Variants in CCNYL1 observed in about 807,000 individuals in gnomAD.
CCNYL1 encodes the protein cyclin-Y-like protein 1.
CCNYL1 carries 16 observed loss-of-function variants against 44.2 expected under a neutral mutation model. The ratio of observed to expected loss-of-function variants is 0.36; its 90% CI spans 0.25 to 0.55. The LOEUF (loss-of-function observed/expected upper bound fraction) is 0.55, where lower values mean the gene tolerates loss of function less well. Among genes scored for constraint, CCNYL1 ranks in the 20% least tolerant of loss-of-function variants. The pLI is 0.85. For synonymous variants in CCNYL1, 159 were observed against 163.2 expected (o/e 0.97, Z 0.20); for missense variants, 348 against 451.8 (o/e 0.77, Z 2.08).
chr2:207,753,894 T>A lies in CCNYL1; in HGVS notation c.*196T>A. 2.1e-6 allele frequency: 1 copy of A among 484,218 alleles called. No homozygotes were observed. The highest frequency in any genetic ancestry group is 3.5e-5 in the South Asian group (1 of 28,352). 30.0% of individuals were successfully genotyped at this position (484,218 alleles called of 1,614,324 possible). A position where few individuals can be genotyped will look rare whatever the true frequency, so the allele number is the denominator to read the frequency against. Reference sequence around the variant, plus strand: ...ACCTTGTCAATGCAACAAAACACTCTTCTGTCCTTTTTAATGTAAACAGAG... The same window carrying A: ...ACCTTGTCAATGCAACAAAACACTCATCTGTCCTTTTTAATGTAAACAGAG... On this transcript the variant is annotated 3_prime_UTR_variant, in exon 10 of 10. Coordinates refer to ENST00000295414, the MANE Select transcript of CCNYL1 (RefSeq NM_001330218.2).
chr2:207,713,070 T>A lies in CCNYL1; in HGVS notation c.220+954T>A, dbSNP rs550982093. On this transcript the variant is annotated intron_variant, in intron 1 of 9. Coordinates refer to ENST00000295414, the MANE Select transcript of CCNYL1 (RefSeq NM_001330218.2). Reference sequence around the variant, plus strand: ...AGTTCTTGATCCGCCCGCCTCGGCCTCCCAAAGTGCTGGGATTACAGGCGT... The same window carrying A: ...AGTTCTTGATCCGCCCGCCTCGGCCACCCAAAGTGCTGGGATTACAGGCGT... Among the ~76,000 whole-genome samples, 36 of 152,332 alleles carry A rather than the reference T, an allele frequency of 2.4e-4. No homozygotes were observed. In the South Asian group the frequency reaches 7.3e-3, roughly 31 times the overall value.
chr2:207,737,315 T>C (rs1463246482), intron 4 of CCNYL1, 96 bp from the exon 5 acceptor site: 8 of 885,440 alleles, frequency 9.0e-6, no homozygotes, highest in African/African-American at 1.7e-5. Flanking sequence ...TCAGGGCCGC[T>C]AGGAGGGTTC....
At chr2:207,737,478 C>G in intron 5 of CCNYL1, 32 bp downstream of exon 5, 3 of 1,566,876 alleles carry the variant, frequency 1.9e-6, no homozygotes, top group Non-Finnish European at 2.6e-6. Context: ...CTTGTTATTC[C>G]AGCTAATTAC....
rs749981412 is a variant in CCNYL1, at chr2:207,753,629, C to T, written c.1011C>T (p.Ala337=). Residue 337 remains alanine, a synonymous_variant, in exon 10 of 10, where the codon GCC becomes GCT. Coordinates refer to ENST00000295414, the MANE Select transcript of CCNYL1 (RefSeq NM_001330218.2). ...RLCEDKDLCR[A]AMRRSFSADN... ...GTGAAGACAAAGACTTGTGTAGAGC[C>T]GCTATGAGAAGGTCTTTCAGTGCTG... 1.3e-5 allele frequency: 21 copies of T among 1,611,212 alleles called. No individual in the cohort carries two copies. Among genetic ancestry groups the T allele is most frequent in the Admixed American group, 1.0e-4 (6 of 59,770 alleles).
rs11361488 is a variant in CCNYL1, at chr2:207,741,252, C to CA, written c.519+558dup. On this transcript the variant is annotated intron_variant, in intron 6 of 9. Coordinates refer to ENST00000295414, the MANE Select transcript of CCNYL1 (RefSeq NM_001330218.2). The stretch of plus-strand genomic sequence containing the variant: ...CCTGGGCGACAGTGAGACTCCATCT[C>CA]AAAAAAAAAAAATTTTTCAAAGTGT... Among the ~76,000 whole-genome samples, 78 of 142,172 alleles carry CA rather than the reference C, an allele frequency of 5.5e-4. 1 individual carries two copies. Among genetic ancestry groups the CA allele is most frequent in the African/African-American group, 1.3e-3 (51 of 39,430 alleles). 93.3% of individuals were successfully genotyped at this position (142,172 alleles called of 152,430 possible).
intron 1 of CCNYL1, among the ~76,000 whole-genome samples, chr2:207,721,019 C>T (rs2091636528): frequency 6.6e-6 from 1 of 152,068 alleles, no homozygotes; most frequent in South Asian, 2.1e-4. Flanking sequence ...GCTCAAGACC[C>T]ATCAGGTAAG....
intron 1 of CCNYL1, chr2:207,714,428 C>A (rs1260517921): frequency 5.0e-6 from 2 of 400,106 alleles, no homozygotes; most frequent in South Asian, 3.7e-5. Context: ...TCCTGAATAG[C>A]TGGGACCACG....
At chr2:207,739,647 C>CT (rs1340620031) in intron 5 of CCNYL1, among the ~76,000 whole-genome samples, 138 of 152,344 alleles carry the variant, frequency 9.1e-4, no homozygotes, top group African/African-American at 3.1e-3. Flanking sequence ...TAACACAACT[C>CT]TACCTCGGTA....
chr2:207,753,982 G>C lies in CCNYL1; in HGVS notation c.*284G>C. On this transcript the variant is annotated 3_prime_UTR_variant, in exon 10 of 10. Coordinates refer to ENST00000295414, the MANE Select transcript of CCNYL1 (RefSeq NM_001330218.2). Reference sequence around the variant, plus strand: ...CACACAGATATTTGCTTACTGTGTGGGCCGATAGCTGTGAACTATGTAAGG... The same window carrying C: ...CACACAGATATTTGCTTACTGTGTGCGCCGATAGCTGTGAACTATGTAAGG... The C allele has an allele frequency of 3.3e-6, 1 of 300,418 alleles. No homozygotes were observed. Among genetic ancestry groups the C allele is most frequent in the Non-Finnish European group, 6.1e-6 (1 of 163,256 alleles). The allele number at this position is 300,418 out of a possible 1,614,324, so 18.6% of individuals were successfully genotyped here. A position where few individuals can be genotyped will look rare whatever the true frequency, so the allele number is the denominator to read the frequency against.
rs548415323 is a variant in CCNYL1, at chr2:207,750,736, C to T, written c.807-221C>T. On this transcript the variant is annotated intron_variant, in intron 8 of 9. Coordinates refer to ENST00000295414, the MANE Select transcript of CCNYL1 (RefSeq NM_001330218.2). ...TCAGCAGCACAAGTGCATCGGAGGC[C>T]GTAACCTTCAACCTTCATCCCAGTT... 791 of 452,636 alleles carry T rather than the reference C, an allele frequency of 1.7e-3. 4 individuals are homozygous for T. The highest frequency in any genetic ancestry group is 7.4e-4 in the Non-Finnish European group (189 of 255,042). The allele number at this position is 452,636 out of a possible 1,614,324, so 28.0% of individuals were successfully genotyped here. A position where few individuals can be genotyped will look rare whatever the true frequency, so the allele number is the denominator to read the frequency against.
At chr2:207,731,513 G>A (rs2091725875) in intron 3 of CCNYL1, among the ~76,000 whole-genome samples, 1 of 151,880 alleles carries the variant, frequency 6.6e-6, no homozygotes, top group South Asian at 2.1e-4. Flanking sequence ...TTTGTTGTTT[G>A]GATTTTTTTT....
At chr2:207,734,202 T>C (rs1296009978) in intron 4 of CCNYL1, among the ~76,000 whole-genome samples, 155 bp downstream of exon 4, 1 of 152,236 alleles carries the variant, frequency 6.6e-6, no homozygotes, top group East Asian at 1.9e-4. Context: ...AGGATCTAAA[T>C]ATGAATTTTA....
chr2:207,751,314 T>G (rs1425274254), intron 9 of CCNYL1, among the ~76,000 whole-genome samples, 195 bp downstream of exon 9: 1 of 152,254 alleles, frequency 6.6e-6, no homozygotes, highest in East Asian at 1.9e-4. Context: ...TATTTAAAAA[T>G]TATACATATT....
intron 4 of CCNYL1, 59 bp from the exon 5 acceptor site, chr2:207,737,352 T>C (rs1363551897): frequency 7.5e-7 from 1 of 1,338,420 alleles, no homozygotes; most frequent in Non-Finnish European, 1.1e-6. Flanking sequence ...AAAAAATGTC[T>C]TCAGGCCTAA....
intron 1 of CCNYL1, among the ~76,000 whole-genome samples, chr2:207,715,999 A>G (rs569082786): frequency 2.2e-4 from 34 of 152,252 alleles, no homozygotes; most frequent in Middle Eastern, 3.4e-3. Flanking sequence ...AGATGCTCCT[A>G]AGAACCTAGT....
At chr2:207,725,679 G>A (rs756630848) in intron 2 of CCNYL1, among the ~76,000 whole-genome samples, 3 of 152,156 alleles carry the variant, frequency 2.0e-5, no homozygotes, top group Non-Finnish European at 4.4e-5. Context: ...CCATCCTAAT[G>A]TAGTGTAAAT....
intron 3 of CCNYL1, among the ~76,000 whole-genome samples, chr2:207,727,580 C>G (rs1316923000): frequency 6.6e-6 from 1 of 152,124 alleles, no homozygotes; most frequent in East Asian, 1.9e-4. Flanking sequence ...TGGCTGTTTT[C>G]TAACAGCTAT....
chr2:207,753,656 T>A lies in CCNYL1; in HGVS notation c.1038T>A (p.Asp346Glu), dbSNP rs1177224591. 3 of 1,613,404 alleles carry A rather than the reference T, an allele frequency of 1.9e-6. No individual in the cohort carries two copies. In the Admixed American group the frequency reaches 5.0e-5, roughly 27 times the overall value. The change falls in exon 10 of 10, where the codon GAT (aspartate) becomes GAA (glutamate). Residue 346 changes from aspartate to glutamate, a missense_variant. This residue lies in a region of CCNYL1 where 94 missense variants were observed against 102.4 expected (regional missense o/e 0.92). Coordinates refer to ENST00000295414, the MANE Select transcript of CCNYL1 (RefSeq NM_001330218.2). Reference sequence around the variant, plus strand: ...CTATGAGAAGGTCTTTCAGTGCTGATAACTTCATTGGTATTCAGCGCTCTA... The same window carrying A: ...CTATGAGAAGGTCTTTCAGTGCTGAAAACTTCATTGGTATTCAGCGCTCTA... Reference protein sequence around the residue: ...RAAMRRSFSADNFIGIQRSKA... With the variant: ...RAAMRRSFSAENFIGIQRSKA...
intron 5 of CCNYL1, among the ~76,000 whole-genome samples, chr2:207,738,319 C>G (rs1365749884): frequency 6.6e-6 from 1 of 152,110 alleles, no homozygotes; most frequent in Non-Finnish European, 1.5e-5. Flanking sequence ...TTCCCAAGTT[C>G]AAGCGATTCT....
Sources: gnomAD v4.1 joint callset for allele counts (sites outside exome capture counted in the v4.1 genomes callset) on GRCh38, gnomAD v4.1.1 for gene constraint, gnomAD v4.1.1 regional missense constraint, MANE v1.5 for transcripts, NCBI Gene and HGNC (gene_info 2026-07-23, HGNC 2026-07-21) for gene names.